The following TMEM161B variants were observed in gnomAD, a reference collection of about 807,000 sequenced individuals.
TMEM161B encodes transmembrane protein 161B.
Under a neutral mutation model 61.8 loss-of-function variants are expected in TMEM161B, and 34 were observed. That is an observed-to-expected ratio of 0.55 (90% confidence interval 0.42 to 0.73). TMEM161B has a LOEUF of 0.73. TMEM161B is among the 30% of genes least tolerant of loss of function. The probability of loss-of-function intolerance (pLI) is 0.00; values close to 1 mark genes in which losing one functional copy is unlikely to be tolerated. For missense variants in TMEM161B, 456 were observed against 558.5 expected (o/e 0.82, Z 1.85); for synonymous variants, 167 against 192.8 (o/e 0.87, Z 1.11).
At chr5:88,250,369 C>T (rs947309808) in intron 1 of TMEM161B, among the ~76,000 whole-genome samples, 18 of 152,180 alleles carry the variant, frequency 1.2e-4, no homozygotes, top group African/African-American at 4.3e-4. Context: ...CATCCTTTTT[C>T]CATTTCATAG....
chr5:88,258,196 T>G (rs374783905), intron 1 of TMEM161B, among the ~76,000 whole-genome samples: 1 of 152,236 alleles, frequency 6.6e-6, no homozygotes, highest in South Asian at 2.1e-4. Context: ...TTTTAAAGCG[T>G]GCTTATCTGT....
At chr5:88,204,376 C>T (rs947319788) in intron 8 of TMEM161B, among the ~76,000 whole-genome samples, 9 of 152,166 alleles carry the variant, frequency 5.9e-5, no homozygotes, top group Non-Finnish European at 1.0e-4. Context: ...CCACATTTTA[C>T]TAAAAAGGAC....
intron 2 of TMEM161B, among the ~76,000 whole-genome samples, chr5:88,239,071 C>G (rs781647175): frequency 3.3e-5 from 5 of 151,966 alleles, no homozygotes; most frequent in Non-Finnish European, 7.4e-5. Context: ...GCTGAGCTTA[C>G]TCTCAAATTA....
chr5:88,196,642 A>G (rs1396643238), intron 11 of TMEM161B, among the ~76,000 whole-genome samples, 154 bp from the exon 12 acceptor site: 1 of 152,058 alleles, frequency 6.6e-6, no homozygotes, highest in Non-Finnish European at 1.5e-5. Flanking sequence ...TAATCCTTCT[A>G]GATCTGTAAA....
chr5:88,205,960 A>C lies in TMEM161B; in HGVS notation c.660-6T>G. On this transcript the variant is annotated splice_polypyrimidine_tract_variant and splice_region_variant and intron_variant, in intron 7 of 11. Transcript: ENST00000296595. ...TAAGTTTTGAAACAGGACTCCTAAA[A>C]ATAAAATTTTTTAAAAAGCTGATAA... The C allele has an allele frequency of 6.4e-7, 1 of 1,572,906 alleles. No homozygotes were observed. The highest frequency in any genetic ancestry group is 8.6e-7 in the Non-Finnish European group (1 of 1,162,368).
At chr5:88,194,700 T>G (rs1749343952), downstream of TMEM161B, among the ~76,000 whole-genome samples, 1 of 152,094 alleles carries the variant, frequency 6.6e-6, no homozygotes, top group African/African-American at 2.4e-5. Context: ...ATATTAAAAT[T>G]TTCAGATGAC....
At chr5:88,207,279 A>C (rs1264753677) in intron 5 of TMEM161B, 99 bp from the exon 6 acceptor site, 6 of 1,083,928 alleles carry the variant, frequency 5.5e-6, no homozygotes, top group Non-Finnish European at 7.8e-6. Flanking sequence ...TGACTACAAC[A>C]TTTATTTCCA....
intron 1 of TMEM161B, among the ~76,000 whole-genome samples, chr5:88,246,868 C>T (rs1561409159): frequency 6.6e-6 from 1 of 151,948 alleles, no homozygotes; most frequent in African/African-American, 2.4e-5. Context: ...AACACACAAC[C>T]ATATGGGTCA....
chr5:88,211,416 G>GAA lies in TMEM161B; in HGVS notation c.447-4238_447-4237dup, dbSNP rs35803255. On this transcript the variant is annotated intron_variant, in intron 5 of 11. Coordinates refer to ENST00000296595, the MANE Select transcript of TMEM161B (RefSeq NM_153354.5). ...ACGAGAAACAGGACAGGAAAAATAA[G>GAA]AAAAAAAAAAGTCAAAAGTTCCATC... Among the ~76,000 whole-genome samples the GAA allele has an allele frequency of 2.0e-3, 301 of 147,720 alleles. 2 individuals carry two copies. The highest frequency in any genetic ancestry group is 6.2e-3 in the African/African-American group (251 of 40,206).
intron 2 of TMEM161B, among the ~76,000 whole-genome samples, chr5:88,236,285 C>T (rs143074259): frequency 3.8e-4 from 58 of 152,154 alleles, no homozygotes; most frequent in African/African-American, 1.3e-3. Flanking sequence ...TAGAGAAAAA[C>T]GCATGAGGTT....
chr5:88,248,596 C>T (rs889868350), intron 1 of TMEM161B, among the ~76,000 whole-genome samples: 1 of 151,726 alleles, frequency 6.6e-6, no homozygotes, highest in Admixed American at 6.6e-5. Context: ...ATTGTGGTAC[C>T]TCTGTTTTTC....
intron 1 of TMEM161B, 31 bp from the exon 2 acceptor site, chr5:88,240,947 T>A: frequency 6.9e-7 from 1 of 1,450,460 alleles, no homozygotes; most frequent in Non-Finnish European, 9.3e-7. Flanking sequence ...AATTTAATAA[T>A]GAATGATTTT....
chr5:88,199,626 A>G (rs1232385597), intron 9 of TMEM161B: 1 of 152,380 alleles, frequency 6.6e-6, no homozygotes, highest in Non-Finnish European at 1.5e-5. Context: ...AAATTCTGAT[A>G]TATCATGAAG....
intron 5 of TMEM161B, among the ~76,000 whole-genome samples, chr5:88,212,173 G>A (rs1057346196): frequency 6.6e-6 from 1 of 152,094 alleles, no homozygotes; most frequent in Non-Finnish European, 1.5e-5. Context: ...AAATTATGAA[G>A]AAAAATATGG....
intron 4 of TMEM161B, among the ~76,000 whole-genome samples, chr5:88,224,965 G>GTTTTTTT (rs1008381182): frequency 5.3e-5 from 7 of 131,130 alleles, no homozygotes; most frequent in African/African-American, 1.5e-4. Context: ...ATATGTTTTT[G>GTTTTTTT]TTTTTTTTTT....
downstream of TMEM161B, among the ~76,000 whole-genome samples, chr5:88,191,483 T>C (rs1748845341): frequency 6.6e-6 from 1 of 152,202 alleles, no homozygotes; most frequent in African/African-American, 2.4e-5. Context: ...ACTCAACATG[T>C]ATTTACTGAA....
chr5:88,224,705 T>C lies in TMEM161B; in HGVS notation c.289+1064A>G, dbSNP rs143601963. ...TCCTTGAACAATACAGTTTGAACTG[T>C]GCGTGTCTACTTATATGCAGATTCT... On this transcript the variant is annotated intron_variant, in intron 4 of 11. Coordinates refer to ENST00000296595, the MANE Select transcript of TMEM161B (RefSeq NM_153354.5). 3.6e-3 allele frequency among the ~76,000 whole-genome samples: 546 copies of C among 152,294 alleles called. 8 individuals carry two copies. Among genetic ancestry groups the C allele is most frequent in the African/African-American group, 0.013 (531 of 41,566 alleles).
At chr5:88,197,313 T>C (rs1740436111) in intron 11 of TMEM161B, among the ~76,000 whole-genome samples, 2 of 152,164 alleles carry the variant, frequency 1.3e-5, no homozygotes, top group Admixed American at 1.3e-4. Flanking sequence ...TGTAAGTTTA[T>C]AATTGCCTTG....
At chr5:88,189,901 C>T in exon 13 of TMEM161B, 1 of 600,660 alleles carries the variant, frequency 1.7e-6, no homozygotes, top group Admixed American at 2.9e-5. Flanking sequence ...TTCATCCGCT[C>T]CACCTTTCCG....
Sources: gnomAD v4.1 joint callset for allele counts (sites outside exome capture counted in the v4.1 genomes callset) on GRCh38, gnomAD v4.1.1 for gene constraint, MANE v1.5 for transcripts, NCBI Gene and HGNC (gene_info 2026-07-23, HGNC 2026-07-21) for gene names.